Variants in SLC2A9 observed in about 807,000 individuals in gnomAD.
The protein encoded by SLC2A9 is solute carrier family 2 member 9, also known as solute carrier family 2, facilitated glucose transporter member 9.
SLC2A9 carries 39 observed loss-of-function variants against 50.6 expected under a neutral mutation model. The ratio of observed to expected loss-of-function variants is 0.77; its 90% CI spans 0.60 to 1.01. The LOEUF is 1.01. SLC2A9 is among the 50% of genes least tolerant of loss of function. SLC2A9 has a pLI of 0.00. For synonymous variants in SLC2A9, 324 were observed against 276.9 expected, an observed-to-expected ratio of 1.17 and a Z score of -1.69; for missense variants, 686 against 677.6, an observed-to-expected ratio of 1.01 and a Z score of -0.14.
intron 11 of SLC2A9, among the ~76,000 whole-genome samples, chr4:9,833,810 T>C (rs1209034381): frequency 1.3e-5 from 2 of 152,126 alleles, no homozygotes; most frequent in Admixed American, 6.5e-5. Context: ...TGGGTGGTGA[T>C]GTATATGACG....
At chr4:9,893,041 C>G (rs1366691304) in intron 8 of SLC2A9, among the ~76,000 whole-genome samples, 1 of 152,190 alleles carries the variant, frequency 6.6e-6, no homozygotes, top group East Asian at 1.9e-4. Flanking sequence ...TGTCCAGGGT[C>G]ACATGGCTGG....
intron 2 of SLC2A9, among the ~76,000 whole-genome samples, chr4:10,018,589 T>TAGATAGATAGATAAACAAC (rs1553915108): frequency 6.6e-6 from 1 of 151,032 alleles, no homozygotes; most frequent in African/African-American, 2.4e-5. Flanking sequence ...GATAGATAGA[T>TAGATAGATAGATAAACAAC]AACAACAACA....
intron 4 of SLC2A9, among the ~76,000 whole-genome samples, chr4:9,981,882 CTT>C (rs201949415): frequency 1.4e-5 from 2 of 143,720 alleles, no homozygotes; most frequent in Non-Finnish European, 1.5e-5. Context: ...GCTTTAAATT[CTT>C]TTTTTTTTTT....
intron 1 of SLC2A9, among the ~76,000 whole-genome samples, chr4:9,774,634 A>C (rs1450576510): frequency 6.6e-6 from 1 of 152,102 alleles, no homozygotes; most frequent in African/African-American, 2.4e-5. Flanking sequence ...AGGGTAACTT[A>C]TTGACTTTTG....
Position 9,970,053 on chromosome 4 carries a change from C to T in SLC2A9, c.681+10539G>A, listed in dbSNP as rs115447018. On this transcript the variant is annotated intron_variant, in intron 5 of 11. Coordinates refer to ENST00000264784, the MANE Select transcript of SLC2A9 (RefSeq NM_020041.3). ...TGAAAGAAGTGGTGGCAGCAGCCTA[C>T]ACCATAAGCCAGGTGGAAAACTGTG... Among the ~76,000 whole-genome samples, 1,451 of 152,286 alleles carry T rather than the reference C, an allele frequency of 9.5e-3. 27 individuals carry two copies. The highest frequency in any genetic ancestry group is 0.034 in the African/African-American group (1,395 of 41,530).
intron 4 of SLC2A9, among the ~76,000 whole-genome samples, chr4:9,982,578 C>G (rs964948481): frequency 2.0e-5 from 3 of 152,162 alleles, no homozygotes; most frequent in African/African-American, 7.2e-5. Context: ...CCAGATTAGT[C>G]AAAGCAACAA....
intron 6 of SLC2A9, among the ~76,000 whole-genome samples, chr4:9,925,470 G>A (rs543209108): frequency 1.3e-5 from 2 of 152,218 alleles, no homozygotes; most frequent in South Asian, 4.2e-4. Flanking sequence ...CCTTGGAGTC[G>A]GAGCAACCTG....
chr4:9,969,053 C>A (rs1753484269), intron 5 of SLC2A9, among the ~76,000 whole-genome samples: 1 of 152,076 alleles, frequency 6.6e-6, no homozygotes, highest in African/African-American at 2.4e-5. Flanking sequence ...TAAATTAAAT[C>A]TTTTTGACAT....
At chr4:10,002,621 G>C (rs1451982851) in intron 2 of SLC2A9, among the ~76,000 whole-genome samples, 1 of 152,230 alleles carries the variant, frequency 6.6e-6, no homozygotes, top group African/African-American at 2.4e-5. Flanking sequence ...GGGAGGCCAA[G>C]GCAGGCAGAT....
intron 8 of SLC2A9, among the ~76,000 whole-genome samples, chr4:9,894,897 G>A (rs1427145251): frequency 6.6e-6 from 1 of 152,180 alleles, no homozygotes; most frequent in Admixed American, 6.5e-5. Flanking sequence ...CATTGTCATA[G>A]GGAGATCAGC....
At chr4:9,908,042 A>G (rs955530365) in intron 8 of SLC2A9, among the ~76,000 whole-genome samples, 193 bp downstream of exon 8, 4 of 152,194 alleles carry the variant, frequency 2.6e-5, no homozygotes, top group Non-Finnish European at 4.4e-5. Flanking sequence ...GCCCAGACAC[A>G]AATGATGTCT....
intron 5 of SLC2A9, among the ~76,000 whole-genome samples, chr4:9,959,870 G>C (rs1356870005): frequency 2.6e-5 from 4 of 152,206 alleles, no homozygotes; most frequent in African/African-American, 9.7e-5. Flanking sequence ...AAACGTGGAT[G>C]TTCTGGCTTT....
intron 7 of SLC2A9, among the ~76,000 whole-genome samples, chr4:9,918,454 G>A (rs573367969): frequency 6.6e-6 from 1 of 152,324 alleles, no homozygotes; most frequent in East Asian, 1.9e-4. Flanking sequence ...GCTGCCTAGG[G>A]ATGGCCTGGG....
intron 10 of SLC2A9, among the ~76,000 whole-genome samples, chr4:9,864,085 C>CA: frequency 6.6e-6 from 1 of 152,152 alleles, no homozygotes; most frequent in South Asian, 2.1e-4. Context: ...CTTCAGTCTG[C>CA]AAGTTCCCCT....
intron 10 of SLC2A9, among the ~76,000 whole-genome samples, chr4:9,875,479 A>G (rs182827802): frequency 4.7e-4 from 71 of 152,324 alleles, no homozygotes; most frequent in African/African-American, 1.6e-3. Context: ...CTCTGACTCG[A>G]TATTTAGAAA....
At chr4:9,777,895 C>T (rs1040730975), downstream of SLC2A9, among the ~76,000 whole-genome samples, 4 of 152,158 alleles carry the variant, frequency 2.6e-5, no homozygotes, top group African/African-American at 4.8e-5. Flanking sequence ...GCTGGCTTTG[C>T]AGGATGGAGA....
At chr4:9,938,051 A>G (rs1288431772) in intron 6 of SLC2A9, among the ~76,000 whole-genome samples, 1 of 152,188 alleles carries the variant, frequency 6.6e-6, no homozygotes, top group Admixed American at 6.5e-5. Flanking sequence ...GCATGCCTTC[A>G]TAATGCTACA....
chr4:9,817,716 TCTC>T (rs1723803737), intron 3 of SLC2A9, among the ~76,000 whole-genome samples: 1 of 152,196 alleles, frequency 6.6e-6, no homozygotes, highest in African/African-American at 2.4e-5. Context: ...TCCATGCAAC[TCTC>T]CTAATTCTCA....
chr4:9,951,673 T>C (rs4455410), intron 5 of SLC2A9, among the ~76,000 whole-genome samples: 71,758 of 151,962 alleles, frequency 0.47, 18,097 homozygotes, highest in African/African-American at 0.64. Flanking sequence ...TTTTGAGAAC[T>C]GTCCTTTCTG....
Sources: gnomAD v4.1 joint callset for allele counts (sites outside exome capture counted in the v4.1 genomes callset) on GRCh38, gnomAD v4.1.1 for gene constraint, MANE v1.5 for transcripts, NCBI Gene and HGNC (gene_info 2026-07-23, HGNC 2026-07-21) for gene names.